Variants in ARHGEF9 observed in about 807,000 individuals in gnomAD.
ARHGEF9 encodes Cdc42 guanine nucleotide exchange factor 9, also known as rho guanine nucleotide exchange factor 9.
Under a neutral mutation model 41.3 loss-of-function variants are expected in ARHGEF9, and 2 were observed. That is an observed-to-expected ratio of 0.05 (90% CI 0.02 to 0.15). The LOEUF is 0.15. ARHGEF9 is among the 10% of genes least tolerant of loss of function. The pLI, the probability that ARHGEF9 is intolerant of heterozygous loss-of-function variation, is 1.00. For missense variants in ARHGEF9, 225 were observed against 424.7 expected, an observed-to-expected ratio of 0.53 and a Z score of 4.13; for synonymous variants, 160 against 154.4, an observed-to-expected ratio of 1.04 and a Z score of -0.27.
intron 6 of ARHGEF9, 149 bp from the exon 7 acceptor site, chrX:63,666,166 C>A: frequency 1.3e-6 from 1 of 793,914 alleles, no homozygotes; most frequent in Non-Finnish European, 1.8e-6. Context: ...ACTCCTGGGA[C>A]TCCTCAAAAA....
chrX:63,639,352 T>C (rs782363324), intron 9 of ARHGEF9: 3 of 112,014 alleles, frequency 2.7e-5, no homozygotes, highest in Non-Finnish European at 5.6e-5. Context: ...AGAGAGGGAA[T>C]TTTGTTACTA....
chrX:63,783,184 C>T (rs1556463330), intron 1 of ARHGEF9, among the ~76,000 whole-genome samples: 2 of 111,281 alleles, frequency 1.8e-5, no homozygotes, highest in African/African-American at 6.5e-5. Flanking sequence ...CCCTATACTT[C>T]AATATATTTG....
At chrX:63,702,812 T>C (rs782137300) in intron 3 of ARHGEF9, among the ~76,000 whole-genome samples, 7 of 111,892 alleles carry the variant, frequency 6.3e-5, no homozygotes, top group Non-Finnish European at 1.1e-4. Context: ...TTTTCTCTAG[T>C]GAGGGCATAT....
At chrX:63,650,274 A>C (rs781927206) in intron 8 of ARHGEF9, among the ~76,000 whole-genome samples, 1 of 111,611 alleles carries the variant, frequency 9.0e-6, no homozygotes, top group Non-Finnish European at 1.9e-5. Context: ...TATGAAATCA[A>C]CCTAAATGCC....
At chrX:63,696,478 G>A (rs191201722) in intron 4 of ARHGEF9, among the ~76,000 whole-genome samples, 21 of 111,226 alleles carry the variant, frequency 1.9e-4, no homozygotes, top group East Asian at 2.9e-4. Context: ...GACTCAAATC[G>A]TCACTATCCT....
intron 4 of ARHGEF9, among the ~76,000 whole-genome samples, chrX:63,679,349 T>TA (rs1320731096): frequency 1.5e-4 from 17 of 111,201 alleles, no homozygotes; most frequent in Non-Finnish European, 1.3e-4. Context: ...AGTAAAGTTT[T>TA]AAAAAAACTC....
intron 1 of ARHGEF9, among the ~76,000 whole-genome samples, chrX:63,739,086 C>T (rs188895228): frequency 9.0e-6 from 1 of 111,675 alleles, no homozygotes; most frequent in African/African-American, 3.3e-5. Flanking sequence ...AATCTTATCC[C>T]TCAACTATTA....
chrX:63,710,147 T>A (rs2052820331), intron 2 of ARHGEF9, among the ~76,000 whole-genome samples: 1 of 109,421 alleles, frequency 9.1e-6, no homozygotes, highest in Admixed American at 9.8e-5. Context: ...TGCCAATAAA[T>A]TACATAACCT....
intron 3 of ARHGEF9, among the ~76,000 whole-genome samples, chrX:63,698,531 A>G (rs1307416886): frequency 9.0e-6 from 1 of 111,585 alleles, no homozygotes; most frequent in Non-Finnish European, 1.9e-5. Context: ...TTATCTTAAC[A>G]CTTTTCTTAA....
Position 63,637,376 on chromosome X carries a change from G to T in ARHGEF9, c.*652C>A. 1 of 295,783 alleles carries T rather than the reference G, an allele frequency of 3.4e-6. No homozygotes were observed. Among genetic ancestry groups the T allele is most frequent in the Non-Finnish European group, 5.9e-6 (1 of 169,707 alleles). The allele number at this position is 295,783 out of a possible 1,213,427, so 24.4% of individuals were successfully genotyped here. On this transcript the variant is annotated 3_prime_UTR_variant, in exon 10 of 10. Transcript: ENST00000671741. ...CACAGGGCACAACAGAGCATGTCCA[G>T]ACTGGCATGACTGAGGACAGAGGAT...
chrX:63,696,208 C>A (rs1327298530), intron 4 of ARHGEF9, among the ~76,000 whole-genome samples: 4 of 111,786 alleles, frequency 3.6e-5, no homozygotes, highest in African/African-American at 1.3e-4. Flanking sequence ...AGGAATATTT[C>A]CAAGAAGGCT....
At chrX:63,771,314 A>G (rs1193868661) in intron 1 of ARHGEF9, among the ~76,000 whole-genome samples, 2 of 112,281 alleles carry the variant, frequency 1.8e-5, no homozygotes, top group African/African-American at 6.5e-5. Flanking sequence ...TTATTCACTT[A>G]AATTCATATT....
intron 1 of ARHGEF9, among the ~76,000 whole-genome samples, chrX:63,748,094 C>T (rs782036396): frequency 2.7e-5 from 3 of 112,195 alleles, no homozygotes; most frequent in South Asian, 7.5e-4. Flanking sequence ...ACAAATCTAT[C>T]GTGCTATGTT....
At chrX:63,658,765 A>C (rs2049031568) in intron 7 of ARHGEF9, among the ~76,000 whole-genome samples, 1 of 111,740 alleles carries the variant, frequency 8.9e-6, no homozygotes, top group South Asian at 3.8e-4. Flanking sequence ...GAGTAAAAAT[A>C]AGTCAAAGCA....
chrX:63,782,666 G>C (rs782468227), intron 1 of ARHGEF9, among the ~76,000 whole-genome samples: 1 of 111,839 alleles, frequency 8.9e-6, no homozygotes, highest in Non-Finnish European at 1.9e-5. Context: ...TTTGTACTTC[G>C]GGCACCTTGC....
At chrX:63,676,924 T>C in intron 5 of ARHGEF9, among the ~76,000 whole-genome samples, 1 of 112,606 alleles carries the variant, frequency 8.9e-6, no homozygotes, top group Non-Finnish European at 1.9e-5. Context: ...ACTATTTGCA[T>C]TGTTGCAGAA....
At chrX:63,712,059 A>G (rs2052968027) in intron 2 of ARHGEF9, among the ~76,000 whole-genome samples, 1 of 111,995 alleles carries the variant, frequency 8.9e-6, no homozygotes, top group Admixed American at 9.5e-5. Flanking sequence ...TGCAAACCAA[A>G]ACCATAAAAA....
At chrX:63,671,644 C>T (rs2049962152) in intron 6 of ARHGEF9, 1 of 112,163 alleles carries the variant, frequency 8.9e-6, no homozygotes, top group African/African-American at 3.2e-5. Context: ...GGAAATAAAC[C>T]TCTCTCTGCT....
chrX:63,753,794 C>A (rs1456095838), intron 1 of ARHGEF9, among the ~76,000 whole-genome samples: 1 of 111,682 alleles, frequency 9.0e-6, no homozygotes. Context: ...CCCTGGAGAG[C>A]AAATTGAGAT....
Sources: allele counts gnomAD v4.1 joint callset (sites outside exome capture counted in the v4.1 genomes callset), GRCh38; gene constraint gnomAD v4.1.1; transcripts MANE v1.5; gene names NCBI Gene and HGNC (gene_info 2026-07-23, HGNC 2026-07-21).